Variants in LHX2 observed in about 807,000 individuals in gnomAD.
LHX2 encodes LIM/homeobox protein Lhx2.
In LHX2, 6 loss-of-function variants were observed where a neutral mutation model predicts 33.0. The ratio of observed to expected loss-of-function variants is 0.18; its 90% CI spans 0.10 to 0.36. LHX2 has a LOEUF of 0.36. Ranked by LOEUF, LHX2 falls within the 10% of genes least tolerant of loss-of-function variation. The probability of loss-of-function intolerance (pLI) is 1.00; values close to 1 mark genes in which losing one functional copy is unlikely to be tolerated. For missense variants in LHX2, 442 were observed against 586.2 expected, an observed-to-expected ratio of 0.75 and a Z score of 2.54; for synonymous variants, 292 against 253.1, an observed-to-expected ratio of 1.15 and a Z score of -1.46.
intron 1 of LHX2, 34 bp from the exon 2 acceptor site, chr9:124,013,927 G>C (rs1487766237): frequency 1.3e-6 from 2 of 1,597,276 alleles, no homozygotes; most frequent in Non-Finnish European, 8.6e-7. Context: ...GGCTGACGCA[G>C]GCGCTGCTGT....
rs1588345524 is a variant in LHX2, at chr9:124,015,335, A to G, written c.537A>G (p.Ala179=). 1.2e-6 allele frequency: 2 copies of G among 1,613,692 alleles called. No individual in the cohort carries two copies. The highest frequency in any genetic ancestry group is 1.7e-6 in the Non-Finnish European group (2 of 1,179,960). The change falls in exon 3 of 5, where the codon GCA becomes GCG. Residue 179 remains alanine, a synonymous_variant. Coordinates refer to ENST00000373615, the MANE Select transcript of LHX2 (RefSeq NM_004789.4). This position sits in a 1 kb window ranked among gnomAD's most constrained non-coding sequence, Gnocchi z 7.9. ...FEALLQGEYP[A]HFNHADVAAA... The stretch of plus-strand genomic sequence containing the variant: ...CGCTGCTGCAGGGCGAGTACCCCGC[A>G]CACTTCAACCATGCCGACGTGGCAG...
chr9:124,031,455 GAA>G (rs1254858233), intron 4 of LHX2, among the ~76,000 whole-genome samples: 3 of 134,360 alleles, frequency 2.2e-5, no homozygotes, highest in African/African-American at 8.1e-5. Flanking sequence ...AAAGGAAAAA[GAA>G]AAAAAAAAAA....
intron 4 of LHX2, 48 bp downstream of exon 4, chr9:124,021,352 G>A (rs1174445888): frequency 6.4e-7 from 1 of 1,574,370 alleles, no homozygotes; most frequent in East Asian, 2.3e-5. Flanking sequence ...CAGGGACTGG[G>A]GTGGAACCCT....
At position 124,032,967 on chromosome 9, in the gene LHX2, ATAATT is replaced by A; in HGVS notation, c.*264_*268del. On this transcript the variant is annotated 3_prime_UTR_variant, in exon 5 of 5. Transcript: ENST00000373615. This position sits in a 1 kb window ranked among gnomAD's most constrained non-coding sequence, Gnocchi z 4.1. ...TGGACTGAGCGAGGAAAAACAACAA[ATAATT>A]TAAGTTGGCTAGAGCTTCTGTATTT... is the stretch of plus-strand genomic sequence containing the variant. The A allele has an allele frequency of 2.9e-6, 1 of 344,438 alleles. No individual in the cohort carries two copies. The highest frequency in any genetic ancestry group is 5.2e-6 in the Non-Finnish European group (1 of 192,578). 21.3% of individuals were successfully genotyped at this position (344,438 alleles called of 1,614,324 possible). A position where few individuals can be genotyped will look rare whatever the true frequency, so the allele number is the denominator to read the frequency against.
At chr9:124,027,399 T>C (rs2055029) in intron 4 of LHX2, among the ~76,000 whole-genome samples, 61,065 of 151,694 alleles carry the variant, frequency 0.4, 12,551 homozygotes, top group Admixed American at 0.49. Context: ...TCAATTCTGT[T>C]TGTGCAGTAA....
intron 4 of LHX2, among the ~76,000 whole-genome samples, chr9:124,025,238 C>T (rs146911239): frequency 6.6e-6 from 1 of 151,982 alleles, no homozygotes; most frequent in East Asian, 1.9e-4. Context: ...GTCAGGAGAT[C>T]GAAACCATCC....
At chr9:124,027,709 T>G (rs1353307942) in intron 4 of LHX2, among the ~76,000 whole-genome samples, 1 of 152,050 alleles carries the variant, frequency 6.6e-6, no homozygotes, top group Non-Finnish European at 1.5e-5. Context: ...TCCCAGCTAC[T>G]TGGGAGGCTG....
At chr9:124,018,015 G>A (rs1417366322) in intron 3 of LHX2, among the ~76,000 whole-genome samples, 1 of 151,818 alleles carries the variant, frequency 6.6e-6, no homozygotes, top group Non-Finnish European at 1.5e-5. Flanking sequence ...CGGACCGGCC[G>A]GACGCCCGGC....
At chr9:124,031,096 C>T (rs1006153450) in intron 4 of LHX2, among the ~76,000 whole-genome samples, 2 of 152,160 alleles carry the variant, frequency 1.3e-5, no homozygotes, top group African/African-American at 4.8e-5. Context: ...TGCGCCCCGC[C>T]GCACGTCCCT....
At position 124,032,863 on chromosome 9, in the gene LHX2, G is replaced by A. The variant is rs1828720479; in HGVS notation, c.*156G>A. ...GGTAAAAAAAAGAAGTGTGCGCCCG[G>A]CTAATGCAGCGGTGTGGACCGAGGA... On this transcript the variant is annotated 3_prime_UTR_variant, in exon 5 of 5. Coordinates refer to ENST00000373615, the MANE Select transcript of LHX2 (RefSeq NM_004789.4). The surrounding 1 kb of genome is among the most constrained non-coding windows in gnomAD (Gnocchi z 4.1). 2.6e-6 allele frequency: 2 copies of A among 772,916 alleles called. No individual in the cohort carries two copies. Among genetic ancestry groups the A allele is most frequent in the Admixed American group, 6.4e-5 (2 of 31,446 alleles). 47.9% of individuals were successfully genotyped at this position (772,916 alleles called of 1,614,324 possible). A position where few individuals can be genotyped will look rare whatever the true frequency, so the allele number is the denominator to read the frequency against.
rs1377254385 is a variant in LHX2 at position 124,032,524 on chromosome 9, A to G, written c.1038A>G (p.Pro346=). 6.2e-7 allele frequency: 1 copy of G among 1,613,788 alleles called. No homozygotes were observed. The highest frequency in any genetic ancestry group is 8.5e-7 in the Non-Finnish European group (1 of 1,180,002). ...STDAALQTGT[P]SGPASELSNA... is the part of the protein sequence containing the mutation. ...ACGCGGCGCTGCAGACAGGGACGCCATCGGGCCCGGCCTCGGAGCTCTCCA... is the reference window on the plus strand; with the variant it reads ...ACGCGGCGCTGCAGACAGGGACGCCGTCGGGCCCGGCCTCGGAGCTCTCCA... Residue 346 remains proline, a synonymous_variant, in exon 5 of 5, where the codon CCA becomes CCG. Coordinates refer to ENST00000373615, the MANE Select transcript of LHX2 (RefSeq NM_004789.4). The surrounding 1 kb of genome is among the most constrained non-coding windows in gnomAD (Gnocchi z 4.1).
intron 4 of LHX2, among the ~76,000 whole-genome samples, chr9:124,028,217 C>T (rs1265609182): frequency 1.3e-5 from 2 of 152,202 alleles, no homozygotes; most frequent in Non-Finnish European, 2.9e-5. Context: ...CAGGTAGTGC[C>T]TGGGAAGGGG....
intron 4 of LHX2, among the ~76,000 whole-genome samples, chr9:124,022,279 A>G (rs1179721453): frequency 6.6e-6 from 1 of 152,202 alleles, no homozygotes; most frequent in Non-Finnish European, 1.5e-5. Context: ...CACTGAAATG[A>G]CGTGCCTGTG....
rs1292248579 is a variant in LHX2, at chr9:124,015,333, G to T, written c.535G>T (p.Ala179Ser). 2.5e-6 allele frequency: 4 copies of T among 1,613,618 alleles called. No homozygotes were observed. Among genetic ancestry groups the T allele is most frequent in the African/African-American group, 1.3e-5 (1 of 74,946 alleles). The change falls in exon 3 of 5, where the codon GCA (alanine) becomes TCA (serine). Residue 179 changes from alanine to serine, a missense_variant. Physicochemically the swap from Ala to Ser is moderately conservative, Grantham distance 99. Coordinates refer to ENST00000373615, the MANE Select transcript of LHX2 (RefSeq NM_004789.4). The surrounding 1 kb of genome is among the most constrained non-coding windows in gnomAD (Gnocchi z 7.9). ...GGCGCTGCTGCAGGGCGAGTACCCC[G>T]CACACTTCAACCATGCCGACGTGGC... ...FEALLQGEYP[A>S]HFNHADVAAA...
chr9:124,026,229 C>T (rs965432226), intron 4 of LHX2, among the ~76,000 whole-genome samples: 3 of 152,022 alleles, frequency 2.0e-5, no homozygotes, highest in Non-Finnish European at 4.4e-5. Flanking sequence ...GAGGCGGAGG[C>T]GGGTGGATCA....
At chr9:124,026,828 C>CA (rs2118776890) in intron 4 of LHX2, among the ~76,000 whole-genome samples, 1 of 152,266 alleles carries the variant, frequency 6.6e-6, no homozygotes, top group African/African-American at 2.4e-5. Flanking sequence ...GCACAGAGAC[C>CA]TGACCTGCTG....
intron 4 of LHX2, among the ~76,000 whole-genome samples, chr9:124,029,246 G>A (rs1418080849): frequency 6.6e-6 from 1 of 152,156 alleles, no homozygotes; most frequent in Non-Finnish European, 1.5e-5. Flanking sequence ...CATGGAGCCT[G>A]GCACATAGTA....
chr9:124,028,231 G>A (rs1056061587), intron 4 of LHX2, among the ~76,000 whole-genome samples: 9 of 152,322 alleles, frequency 5.9e-5, no homozygotes, highest in Admixed American at 6.5e-5. Context: ...GAAGGGGCAA[G>A]AAGCAACGTG....
chr9:124,012,475 G>A lies in LHX2; in HGVS notation c.120+7G>A, dbSNP rs1425616620. The A allele has an allele frequency of 4.5e-6, 7 of 1,541,226 alleles. No individual in the cohort carries two copies. Among genetic ancestry groups the A allele is most frequent in the Admixed American group, 1.9e-5 (1 of 52,384 alleles). On this transcript the variant is annotated splice_region_variant and intron_variant, in intron 1 of 4. Transcript: ENST00000373615. The surrounding 1 kb of genome is among the most constrained non-coding windows in gnomAD (Gnocchi z 4.3). Reference sequence around the variant, plus strand: ...CCGCGGCGACACCGAGACGGTAGGCGCGCGGCTGTGGGGTCGGGGCTGAGA... The same window carrying A: ...CCGCGGCGACACCGAGACGGTAGGCACGCGGCTGTGGGGTCGGGGCTGAGA...
Sources: gnomAD v4.1 joint callset for allele counts (sites outside exome capture counted in the v4.1 genomes callset) on GRCh38, gnomAD v4.1.1 for gene constraint, Gnocchi (gnomAD v3.1) non-coding constraint, MANE v1.5 for transcripts, NCBI Gene and HGNC (gene_info 2026-07-23, HGNC 2026-07-21) for gene names.